The following CAMK4 variants were observed in gnomAD, a reference collection of about 807,000 sequenced individuals.
CAMK4 encodes calcium/calmodulin-dependent protein kinase type IV.
Under a neutral mutation model 44.9 loss-of-function variants are expected in CAMK4, and 22 were observed. The observed-to-expected ratio is 0.49, with a 90% CI of 0.35 to 0.70. The LOEUF is 0.70. Ranked by LOEUF, CAMK4 falls within the 30% of genes least tolerant of loss-of-function variation. CAMK4 has a pLI of 0.01. For synonymous variants in CAMK4, 218 were observed against 215.4 expected (o/e 1.01, Z -0.11); for missense variants, 498 against 586.8 (o/e 0.85, Z 1.56).
At position 111,320,413 on chromosome 5, in the gene CAMK4, G is replaced by A. The variant is rs1352487136; in HGVS notation, c.162-23611G>A. Reference sequence around the variant, plus strand: ...AAAGCTATGGAGTAGAAACGGAAATGATAGAAACAGAAATTAATTTGTAAC... The same window carrying A: ...AAAGCTATGGAGTAGAAACGGAAATAATAGAAACAGAAATTAATTTGTAAC... On this transcript the variant is annotated intron_variant, in intron 1 of 10. Coordinates refer to ENST00000282356, the MANE Select transcript of CAMK4 (RefSeq NM_001744.6). Among the ~76,000 whole-genome samples the A allele has an allele frequency of 2.0e-5, 3 of 152,304 alleles. No individual in the cohort carries two copies. The East Asian group carries it at 5.8e-4, about 29-fold the overall frequency.
intron 8 of CAMK4, 100 bp from the exon 9 acceptor site, chr5:111,478,281 G>A: frequency 1.6e-6 from 1 of 644,024 alleles, no homozygotes; most frequent in South Asian, 3.1e-5. Flanking sequence ...TTCCATGGCA[G>A]GAAGCAGTGA....
At chr5:111,315,956 T>C (rs1748404583) in intron 1 of CAMK4, among the ~76,000 whole-genome samples, 1 of 152,134 alleles carries the variant, frequency 6.6e-6, no homozygotes. Flanking sequence ...ATCATTTTGT[T>C]TGGCTCTCTA....
intron 1 of CAMK4, among the ~76,000 whole-genome samples, chr5:111,272,091 C>T (rs1328226651): frequency 6.6e-6 from 1 of 151,500 alleles, no homozygotes; most frequent in African/African-American, 2.4e-5. Context: ...ACAGACAGCC[C>T]TCTGTGTGTG....
At chr5:111,384,314 C>T (rs1751521184) in intron 4 of CAMK4, among the ~76,000 whole-genome samples, 1 of 152,110 alleles carries the variant, frequency 6.6e-6, no homozygotes, top group Admixed American at 6.6e-5. Flanking sequence ...GACAGCGTCT[C>T]TTTTTCTCTT....
intron 7 of CAMK4, among the ~76,000 whole-genome samples, chr5:111,466,430 A>G (rs527448693): frequency 6.6e-6 from 1 of 152,298 alleles, no homozygotes; most frequent in East Asian, 1.9e-4. Flanking sequence ...TGGTGATATC[A>G]TTGCATACCT....
At chr5:111,323,407 T>G (rs2112700015) in intron 1 of CAMK4, among the ~76,000 whole-genome samples, 1 of 152,100 alleles carries the variant, frequency 6.6e-6, no homozygotes, top group South Asian at 2.1e-4. Flanking sequence ...TCAAACCACT[T>G]GTAAATTGAG....
chr5:111,282,266 G>A (rs1751056285), intron 1 of CAMK4, among the ~76,000 whole-genome samples: 1 of 151,998 alleles, frequency 6.6e-6, no homozygotes, highest in South Asian at 2.1e-4. Flanking sequence ...GTTCCCTACT[G>A]TTATTTTACT....
Position 111,478,325 on chromosome 5 carries a change from A to T in CAMK4, c.702-56A>T, listed in dbSNP as rs1415164931. ...AGTCCTGAATTCCTACAGAAATTGGATGAAATATACTTGAGCTTTTAAAGA... is the reference window on the plus strand; with the variant it reads ...AGTCCTGAATTCCTACAGAAATTGGTTGAAATATACTTGAGCTTTTAAAGA... On this transcript the variant is annotated intron_variant, in intron 8 of 10. Transcript: ENST00000282356. 5 of 1,146,590 alleles carry T rather than the reference A, an allele frequency of 4.4e-6. No homozygotes were observed. In the African/African-American group the frequency reaches 6.3e-5, roughly 14 times the overall value. 71.0% of individuals were successfully genotyped at this position (1,146,590 alleles called of 1,614,324 possible).
At chr5:111,364,736 A>G (rs138947347) in intron 2 of CAMK4, among the ~76,000 whole-genome samples, 10 of 152,038 alleles carry the variant, frequency 6.6e-5, no homozygotes, top group South Asian at 2.1e-4. Context: ...GTTCTTCCCA[A>G]TGTCTTAGAG....
At chr5:111,322,960 G>A (rs1748723884) in intron 1 of CAMK4, among the ~76,000 whole-genome samples, 1 of 152,086 alleles carries the variant, frequency 6.6e-6, no homozygotes, top group African/African-American at 2.4e-5. Context: ...CTGAAGAATA[G>A]AGAGAAAAGC....
chr5:111,399,579 T>C (rs1014901431), intron 5 of CAMK4, among the ~76,000 whole-genome samples: 9 of 152,204 alleles, frequency 5.9e-5, no homozygotes, highest in Non-Finnish European at 1.0e-4. Context: ...ACTTACTGAA[T>C]AAGTAAATGG....
chr5:111,437,779 AG>A (rs1393237839), intron 5 of CAMK4, among the ~76,000 whole-genome samples: 1 of 152,068 alleles, frequency 6.6e-6, no homozygotes, highest in African/African-American at 2.4e-5. Context: ...AGAACAAGAG[AG>A]GGGAGAGTGA....
chr5:111,446,295 A>G (rs191356208), intron 5 of CAMK4, among the ~76,000 whole-genome samples: 1 of 152,216 alleles, frequency 6.6e-6, no homozygotes, highest in African/African-American at 2.4e-5. Context: ...ATACAGGTTT[A>G]TAAGATCACA....
At chr5:111,280,906 T>C (rs1353614328) in intron 1 of CAMK4, among the ~76,000 whole-genome samples, 1 of 152,242 alleles carries the variant, frequency 6.6e-6, no homozygotes. Context: ...ATGGTTGCTA[T>C]GATACCAACA....
At chr5:111,251,552 C>T (rs956201823) in intron 1 of CAMK4, among the ~76,000 whole-genome samples, 2 of 152,224 alleles carry the variant, frequency 1.3e-5, no homozygotes, top group Non-Finnish European at 2.9e-5. Context: ...GGGCCAGTTA[C>T]AGCCTTATCT....
intron 2 of CAMK4, among the ~76,000 whole-genome samples, chr5:111,368,917 T>C (rs983029310): frequency 1.3e-5 from 2 of 151,922 alleles, no homozygotes; most frequent in Non-Finnish European, 2.9e-5. Flanking sequence ...CATTTTTCTT[T>C]CATTTAAATT....
rs79904584 is a variant in CAMK4 at position 111,421,575 on chromosome 5, C to T, written c.460-25111C>T. ...AGTGGAAAATTCCCCTTAACTTAAT[C>T]TTTTTTCTCTCCATTTCTTAGTTAG... On this transcript the variant is annotated intron_variant, in intron 5 of 10. Transcript: ENST00000282356. Among the ~76,000 whole-genome samples, 927 of 152,276 alleles carry T rather than the reference C, an allele frequency of 6.1e-3. 8 individuals are homozygous for T. Among genetic ancestry groups the T allele is most frequent in the African/African-American group, 0.021 (859 of 41,560 alleles).
chr5:111,308,395 G>T (rs1218966259), intron 1 of CAMK4, among the ~76,000 whole-genome samples: 2 of 152,050 alleles, frequency 1.3e-5, no homozygotes, highest in Non-Finnish European at 2.9e-5. Context: ...AATAGGTGGT[G>T]GTAATAAGGA....
chr5:111,453,070 A>T (rs1203919415), intron 7 of CAMK4, among the ~76,000 whole-genome samples: 1 of 152,204 alleles, frequency 6.6e-6, no homozygotes, highest in Non-Finnish European at 1.5e-5. Flanking sequence ...TTTCTTTAGC[A>T]GACAAAGGTT....
Sources: allele counts gnomAD v4.1 joint callset (sites outside exome capture counted in the v4.1 genomes callset), GRCh38; gene constraint gnomAD v4.1.1; transcripts MANE v1.5; gene names NCBI Gene and HGNC (gene_info 2026-07-23, HGNC 2026-07-21).